HDAC9: variants seen among roughly 807,000 people sequenced by gnomAD.
HDAC9 encodes the protein MEF-2 interacting transcription repressor (MITR) protein.
Under a neutral mutation model 139.4 loss-of-function variants are expected in HDAC9, and 41 were observed. That is an observed-to-expected ratio of 0.29 (90% CI 0.23 to 0.38). The LOEUF is 0.38. Ranked by LOEUF, HDAC9 falls within the 10% of genes least tolerant of loss-of-function variation. HDAC9 has a pLI of 1.00. For missense variants in HDAC9, 1,147 were observed against 1,297.0 expected (o/e 0.88, Z 1.78); for synonymous variants, 517 against 476.2 (o/e 1.09, Z -1.12).
At chr7:18,731,796 T>A (rs1786074873) in intron 13 of HDAC9, among the ~76,000 whole-genome samples, 1 of 152,102 alleles carries the variant, frequency 6.6e-6, no homozygotes. Flanking sequence ...CAGCTAATTT[T>A]TGTATTTTTA....
chr7:18,747,194 G>T (rs727851), intron 13 of HDAC9, among the ~76,000 whole-genome samples: 36,486 of 152,116 alleles, frequency 0.24, 4,992 homozygotes, highest in East Asian at 0.65. Context: ...AGGGGCCTAT[G>T]TATGCTGGCC....
intron 12 of HDAC9, among the ~76,000 whole-genome samples, chr7:18,693,469 A>G (rs931548785): frequency 3.9e-5 from 6 of 152,208 alleles, no homozygotes; most frequent in East Asian, 1.9e-4. Flanking sequence ...TAAATATTCA[A>G]TATGAGCAAA....
At chr7:18,587,707 C>T (rs1047547243) in intron 3 of HDAC9, among the ~76,000 whole-genome samples, 2 of 152,172 alleles carry the variant, frequency 1.3e-5, no homozygotes, top group Admixed American at 6.5e-5. Flanking sequence ...CCAAGATTTA[C>T]AGTCTTGCCC....
At chr7:18,816,587 A>G (rs1391715992) in intron 17 of HDAC9, among the ~76,000 whole-genome samples, 1 of 152,240 alleles carries the variant, frequency 6.6e-6, no homozygotes, top group Non-Finnish European at 1.5e-5. Context: ...TACAAGGTCA[A>G]CAAAACCAAG....
chr7:18,415,703 G>GT (rs1417579393), intron 1 of HDAC9, among the ~76,000 whole-genome samples: 4 of 152,148 alleles, frequency 2.6e-5, no homozygotes, highest in African/African-American at 9.7e-5. Context: ...CAGTATCAAG[G>GT]TTTTCTAGCC....
intron 1 of HDAC9, among the ~76,000 whole-genome samples, chr7:18,147,304 A>T (rs1786413140): frequency 6.6e-6 from 1 of 152,204 alleles, no homozygotes; most frequent in African/African-American, 2.4e-5. Context: ...GCTTAAAATA[A>T]AAGGAAAAAT....
intron 2 of HDAC9, among the ~76,000 whole-genome samples, chr7:18,232,072 A>G (rs539452204): frequency 6.6e-6 from 1 of 152,350 alleles, no homozygotes; most frequent in South Asian, 2.1e-4. Context: ...ATTATGAGAC[A>G]TTATATTTAA....
chr7:18,782,968 A>G (rs759818588), intron 16 of HDAC9, among the ~76,000 whole-genome samples: 4 of 152,110 alleles, frequency 2.6e-5, no homozygotes, highest in Admixed American at 6.6e-5. Context: ...AATGTCAATG[A>G]TGTCCTTGCC....
chr7:18,938,774 A>G (rs1204145335), intron 23 of HDAC9, among the ~76,000 whole-genome samples: 3 of 152,222 alleles, frequency 2.0e-5, no homozygotes. Flanking sequence ...AACATTAATA[A>G]TCTACTGCAT....
At position 18,684,463 on chromosome 7, in the gene HDAC9, CACAAACAA is replaced by C. The variant is rs60898555; in HGVS notation, c.1731+18012_1731+18019del. Among the ~76,000 whole-genome samples, 1,007 of 150,310 alleles carry C rather than the reference CACAAACAA, an allele frequency of 6.7e-3. 9 individuals carry two copies. The highest frequency in any genetic ancestry group is 0.034 in the Middle Eastern group (10 of 290). On this transcript the variant is annotated intron_variant, in intron 12 of 25. Transcript: ENST00000686413. ...AAGACCAACCTGAGGTGCAACAACT[CACAAACAA>C]ACAAACAAACAAACAAACAAACAAT... is the stretch of plus-strand genomic sequence containing the variant.
At chr7:18,308,945 C>T (rs747734720) in intron 1 of HDAC9, among the ~76,000 whole-genome samples, 2 of 152,148 alleles carry the variant, frequency 1.3e-5, no homozygotes, top group African/African-American at 4.8e-5. Flanking sequence ...CCAGAAACAC[C>T]AGGGAACCTG....
chr7:18,707,852 G>C (rs1238172452), intron 12 of HDAC9, among the ~76,000 whole-genome samples: 1 of 102,296 alleles, frequency 9.8e-6, no homozygotes, highest in African/African-American at 6.1e-5. Context: ...GGAGGGGAAA[G>C]GAGTGTGTGT....
chr7:18,613,585 A>T (rs1355254579), intron 6 of HDAC9, among the ~76,000 whole-genome samples: 3 of 152,084 alleles, frequency 2.0e-5, no homozygotes, highest in Admixed American at 2.0e-4. Flanking sequence ...ATTTACTACT[A>T]TGTGTTGTGG....
At chr7:18,668,934 G>A (rs1369377113) in intron 12 of HDAC9, 24 of 959,624 alleles carry the variant, frequency 2.5e-5, no homozygotes, top group Non-Finnish European at 3.0e-5. Context: ...AAAATACATT[G>A]CCAGTCTTTG....
chr7:18,519,203 A>T (rs533229833), intron 2 of HDAC9, among the ~76,000 whole-genome samples: 9 of 152,350 alleles, frequency 5.9e-5, no homozygotes, highest in Admixed American at 4.6e-4. Flanking sequence ...ATGTCATCAC[A>T]ACTCATTCTA....
rs1239149604 is a variant in HDAC9, at chr7:18,650,262, AT to A, written c.1467+1586del. Among the ~76,000 whole-genome samples, 4 of 152,096 alleles carry A rather than the reference AT, an allele frequency of 2.6e-5. No individual in the cohort carries two copies. In the South Asian group the frequency reaches 8.3e-4, roughly 32 times the overall value. Reference sequence around the variant, plus strand: ...TGTGGGAGGGAAGATTAGGGATCGTATTTTTTTGCCATATAGTGTTTTGATC... The same window carrying A: ...TGTGGGAGGGAAGATTAGGGATCGTATTTTTTGCCATATAGTGTTTTGATC... On this transcript the variant is annotated intron_variant, in intron 11 of 25. Coordinates refer to ENST00000686413, the MANE Select transcript of HDAC9 (RefSeq NM_178425.4).
chr7:18,965,784 A>C (rs1057414268), intron 24 of HDAC9, among the ~76,000 whole-genome samples: 3 of 152,190 alleles, frequency 2.0e-5, no homozygotes, highest in Non-Finnish European at 4.4e-5. Flanking sequence ...ATTTCTGGCC[A>C]ATCATAGAGC....
intron 22 of HDAC9, among the ~76,000 whole-genome samples, chr7:18,908,062 A>G (rs1471578500): frequency 6.6e-6 from 1 of 152,092 alleles, no homozygotes; most frequent in Non-Finnish European, 1.5e-5. Flanking sequence ...TATATGGACC[A>G]TTTTTAAATG....
intron 1 of HDAC9, among the ~76,000 whole-genome samples, chr7:18,136,395 T>G (rs1045102997): frequency 2.0e-5 from 3 of 152,170 alleles, no homozygotes; most frequent in African/African-American, 4.8e-5. Context: ...GTGTCCTGAA[T>G]GGTAATGCCT....
Sources: gnomAD v4.1 joint callset for allele counts (sites outside exome capture counted in the v4.1 genomes callset) on GRCh38, gnomAD v4.1.1 for gene constraint, MANE v1.5 for transcripts, NCBI Gene and HGNC (gene_info 2026-07-23, HGNC 2026-07-21) for gene names.